Variants in CFAP58 observed in about 807,000 individuals in gnomAD.
CFAP58 encodes the protein cilia and flagella associated protein 58, also known as cilia- and flagella-associated protein 58.
A neutral mutation model predicts 119.5 loss-of-function variants in CFAP58; 88 were observed. That is an observed-to-expected ratio of 0.74 (90% CI 0.62 to 0.88). CFAP58 has a LOEUF of 0.88. Among genes scored for constraint, CFAP58 ranks in the 40% least tolerant of loss-of-function variants. The pLI is 0.00. For missense variants in CFAP58, 990 were observed against 1,021.2 expected, an observed-to-expected ratio of 0.97 and a Z score of 0.42; for synonymous variants, 365 against 366.3, an observed-to-expected ratio of 1.00 and a Z score of 0.04.
At chr10:104,439,499 A>C (rs1319004196) in intron 15 of CFAP58, among the ~76,000 whole-genome samples, 4 of 152,206 alleles carry the variant, frequency 2.6e-5, no homozygotes, top group Admixed American at 2.0e-4. Context: ...CAAAAAACTT[A>C]TGAGTATTAG....
chr10:104,357,968 CACATATGT>C (rs1383016000), intron 1 of CFAP58, among the ~76,000 whole-genome samples: 1,126 of 104,604 alleles, frequency 0.011, 74 homozygotes, highest in African/African-American at 0.067. Context: ...CATATATGTA[CACATATGT>C]ACATATGTAC....
chr10:104,399,751 C>A (rs2012229184), intron 12 of CFAP58, among the ~76,000 whole-genome samples: 1 of 152,060 alleles, frequency 6.6e-6, no homozygotes, highest in Admixed American at 6.5e-5. Context: ...AAGGTTCATC[C>A]TCAAGGAGCT....
intron 2 of CFAP58, among the ~76,000 whole-genome samples, chr10:104,361,001 A>G (rs2014659162): frequency 6.6e-6 from 1 of 152,216 alleles, no homozygotes; most frequent in African/African-American, 2.4e-5. Context: ...TCACAAGGAC[A>G]GTACCAAGAG....
chr10:104,370,672 A>G (rs1299235497), intron 6 of CFAP58, among the ~76,000 whole-genome samples: 1 of 152,202 alleles, frequency 6.6e-6, no homozygotes, highest in Non-Finnish European at 1.5e-5. Flanking sequence ...TGTTTTTATT[A>G]TTTTTAGTTT....
the CFAP58 span, among the ~76,000 whole-genome samples, chr10:104,344,286 T>C: frequency 3.3e-5 from 5 of 152,254 alleles, no homozygotes; most frequent in Admixed American, 6.5e-5. Context: ...AATACCTTAA[T>C]TCACTTATTC....
intron 15 of CFAP58, among the ~76,000 whole-genome samples, chr10:104,436,393 C>T (rs2184423): frequency 1.3e-5 from 2 of 152,086 alleles, no homozygotes; most frequent in Non-Finnish European, 2.9e-5. Context: ...ACCCAAGACT[C>T]GGTAATTTAT....
intron 9 of CFAP58, among the ~76,000 whole-genome samples, chr10:104,380,652 A>G (rs2011772937): frequency 6.6e-6 from 1 of 152,196 alleles, no homozygotes. Flanking sequence ...TTAAATGACC[A>G]CAAGTTAAGA....
rs549164999 is a variant in CFAP58, at chr10:104,425,009, C to A, written c.2256+18216C>A. Among the ~76,000 whole-genome samples, 3 of 152,302 alleles carry A rather than the reference C, an allele frequency of 2.0e-5. No individual in the cohort carries two copies. The East Asian group carries it at 5.8e-4, about 29-fold the overall frequency. ...ACTACCTCTGACCTTGGGCAAGTAA[C>A]TAACCGTCTCAAAGCCCCAGTGACT... On this transcript the variant is annotated intron_variant, in intron 15 of 17. Coordinates refer to ENST00000369704, the MANE Select transcript of CFAP58 (RefSeq NM_001008723.2).
chr10:104,383,900 G>A (rs2011871648), intron 9 of CFAP58, among the ~76,000 whole-genome samples: 2 of 152,062 alleles, frequency 1.3e-5, no homozygotes, highest in Admixed American at 6.6e-5. Flanking sequence ...CTTCTAAAGT[G>A]AGTATACATT....
At chr10:104,387,211 A>G (rs1047509316) in intron 9 of CFAP58, among the ~76,000 whole-genome samples, 5 of 152,194 alleles carry the variant, frequency 3.3e-5, no homozygotes, top group Non-Finnish European at 7.3e-5. Flanking sequence ...ATACAAAAAC[A>G]AGCACTTATT....
chr10:104,389,427 G>T (rs2011989682), intron 9 of CFAP58, among the ~76,000 whole-genome samples: 1 of 152,114 alleles, frequency 6.6e-6, no homozygotes, highest in South Asian at 2.1e-4. Context: ...CCTGTGCAAA[G>T]AATTATTCCT....
At chr10:104,370,769 A>G (rs2014811663) in intron 6 of CFAP58, 126 bp from the exon 7 acceptor site, 1 of 796,128 alleles carries the variant, frequency 1.3e-6, no homozygotes, top group East Asian at 3.0e-5. Context: ...GCTTGATTTA[A>G]TCTCACAGAA....
chr10:104,345,543 T>A, the CFAP58 span, among the ~76,000 whole-genome samples: 1 of 152,112 alleles, frequency 6.6e-6, no homozygotes, highest in African/African-American at 2.4e-5. Context: ...TTCATCAAAC[T>A]TTTTACTTCT....
chr10:104,370,746 C>A, intron 6 of CFAP58, 149 bp from the exon 7 acceptor site: 1 of 604,742 alleles, frequency 1.7e-6, no homozygotes, highest in South Asian at 3.4e-5. Flanking sequence ...TCTCTCAAAA[C>A]CAAATTGTGT....
intron 1 of CFAP58, among the ~76,000 whole-genome samples, chr10:104,357,840 C>CACAT (rs2014572245): frequency 8.4e-5 from 6 of 71,120 alleles, no homozygotes; most frequent in Admixed American, 3.6e-4. Context: ...TATATGTACA[C>CACAT]ATATGTACAC....
intron 15 of CFAP58, among the ~76,000 whole-genome samples, chr10:104,422,912 TG>T (rs1218017288): frequency 6.6e-6 from 1 of 152,200 alleles, no homozygotes; most frequent in Admixed American, 6.5e-5. Flanking sequence ...CTCCTTTCTT[TG>T]GGGAGATTGA....
At chr10:104,447,299 C>T (rs1204405899) in intron 15 of CFAP58, among the ~76,000 whole-genome samples, 2 of 151,934 alleles carry the variant, frequency 1.3e-5, no homozygotes, top group East Asian at 1.9e-4. Flanking sequence ...ATCACAGGCA[C>T]GAGCTACTGC....
chr10:104,450,842 C>A (rs2013184769), intron 17 of CFAP58, among the ~76,000 whole-genome samples: 1 of 151,826 alleles, frequency 6.6e-6, no homozygotes, highest in Non-Finnish European at 1.5e-5. Flanking sequence ...TGGTGTCCTG[C>A]CTGCCTAGGT....
In CFAP58 at chr10:104,450,093, T is replaced by C; in HGVS notation, c.2399T>C (p.Met800Thr). 1 of 1,603,586 alleles carries C rather than the reference T, an allele frequency of 6.2e-7. No individual in the cohort carries two copies. Among genetic ancestry groups the C allele is most frequent in the Non-Finnish European group, 8.5e-7 (1 of 1,177,092 alleles). The change falls in exon 17 of 18, where the codon ATG becomes ACG. Residue 800 changes from methionine (M) to threonine (T), a missense_variant. Transcript: ENST00000369704. ...TAGGTTTTGTCTTCAGAATTGAATA[T>C]GTATGAAGTACAGAGCAAAGAATAT... ...QLKVLSSELN[M>T]YEVQSKEYKY...
Sources: allele counts gnomAD v4.1 joint callset (sites outside exome capture counted in the v4.1 genomes callset), GRCh38; gene constraint gnomAD v4.1.1; transcripts MANE v1.5; gene names NCBI Gene and HGNC (gene_info 2026-07-23, HGNC 2026-07-21).